The following GAB2 variants were observed in gnomAD, a reference collection of about 807,000 sequenced individuals.
GAB2 encodes the protein GRB2 associated binding protein 2.
In GAB2, 26 loss-of-function variants were observed where a neutral mutation model predicts 65.5. The observed-to-expected ratio is 0.40, with a 90% CI of 0.29 to 0.55. The LOEUF is 0.55. Ranked by LOEUF, GAB2 falls within the 20% of genes least tolerant of loss-of-function variation. GAB2 has a pLI of 0.53. For synonymous variants in GAB2, 321 were observed against 329.6 expected, an observed-to-expected ratio of 0.97 and a Z score of 0.28; for missense variants, 884 against 875.8, an observed-to-expected ratio of 1.01 and a Z score of -0.12.
chr11:78,270,731 A>G (rs1200909202), intron 2 of GAB2, among the ~76,000 whole-genome samples: 4 of 152,240 alleles, frequency 2.6e-5, no homozygotes, highest in African/African-American at 7.2e-5. Context: ...TCCTACAGAC[A>G]TAGAAATCAT....
At chr11:78,370,419 T>C (rs576184011) in intron 1 of GAB2, among the ~76,000 whole-genome samples, 1 of 152,276 alleles carries the variant, frequency 6.6e-6, no homozygotes, top group South Asian at 2.1e-4. Flanking sequence ...TAACAAGGTA[T>C]AAAACAGGGC....
intron 1 of GAB2, among the ~76,000 whole-genome samples, chr11:78,347,709 T>C (rs1343423047): frequency 6.6e-6 from 1 of 152,198 alleles, no homozygotes; most frequent in African/African-American, 2.4e-5. Context: ...AAAATCTTTG[T>C]GACCTTTAAG....
chr11:78,370,741 G>A (rs1341418403), intron 1 of GAB2, among the ~76,000 whole-genome samples: 2 of 151,974 alleles, frequency 1.3e-5, no homozygotes, highest in South Asian at 2.1e-4. Flanking sequence ...GTGTGTGTGT[G>A]TGTGTAAGGG....
rs535116758 is a variant in GAB2 at position 78,248,296 on chromosome 11, T to C, written c.620+1861A>G. ...AGCAGAGATGTTTCTACGTTTGTTC[T>C]CTGATGCGTCAGCAGGATCACTGGA... On this transcript the variant is annotated intron_variant, in intron 3 of 9. Coordinates refer to ENST00000361507, the MANE Select transcript of GAB2 (RefSeq NM_080491.3). Among the ~76,000 whole-genome samples, 14 of 152,304 alleles carry C rather than the reference T, an allele frequency of 9.2e-5. No homozygotes were observed. In the South Asian group the frequency reaches 2.9e-3, roughly 32 times the overall value.
chr11:78,330,919 A>G (rs1429277431), intron 1 of GAB2, among the ~76,000 whole-genome samples: 1 of 151,942 alleles, frequency 6.6e-6, no homozygotes, highest in Non-Finnish European at 1.5e-5. Context: ...CATGGCTGTA[A>G]CCCCAGCACT....
chr11:78,270,652 G>A (rs1854803693), intron 2 of GAB2, among the ~76,000 whole-genome samples: 1 of 152,168 alleles, frequency 6.6e-6, no homozygotes, highest in Non-Finnish European at 1.5e-5. Flanking sequence ...ATGAGACTGC[G>A]TAAGTGTTGT....
intron 1 of GAB2, among the ~76,000 whole-genome samples, chr11:78,370,712 C>CGTGTGTGTGTGTGT (rs1554995526): frequency 8.1e-6 from 1 of 123,220 alleles, no homozygotes; most frequent in African/African-American, 2.9e-5. Flanking sequence ...TGTGTGTGTG[C>CGTGTGTGTGTGTGT]GTGTGTGTGT....
intron 1 of GAB2, among the ~76,000 whole-genome samples, chr11:78,353,866 T>C (rs1262976392): frequency 6.6e-6 from 1 of 152,228 alleles, no homozygotes; most frequent in Non-Finnish European, 1.5e-5. Flanking sequence ...AGATAACTCC[T>C]GGTACTGAAC....
At chr11:78,372,757 T>C (rs931689082) in intron 1 of GAB2, among the ~76,000 whole-genome samples, 3 of 152,186 alleles carry the variant, frequency 2.0e-5, no homozygotes, top group African/African-American at 4.8e-5. Flanking sequence ...AACACACTTT[T>C]TATCTCTTAA....
chr11:78,330,625 C>T (rs1212068581), intron 1 of GAB2, among the ~76,000 whole-genome samples: 1 of 152,166 alleles, frequency 6.6e-6, no homozygotes, highest in Non-Finnish European at 1.5e-5. Context: ...AAGGCTTACT[C>T]TTAGACCTCT....
At chr11:78,280,572 A>C in intron 2 of GAB2, 29 bp downstream of exon 2, 2 of 1,575,078 alleles carry the variant, frequency 1.3e-6, no homozygotes, top group Non-Finnish European at 1.7e-6. Flanking sequence ...TCAACCCCCT[A>C]TGAGAAAGAT....
At chr11:78,391,070 T>C (rs575262250) in intron 1 of GAB2, among the ~76,000 whole-genome samples, 1 of 152,250 alleles carries the variant, frequency 6.6e-6, no homozygotes, top group East Asian at 1.9e-4. Context: ...GAAAAATAAA[T>C]GTTATTGTGG....
intron 1 of GAB2, among the ~76,000 whole-genome samples, chr11:78,343,391 A>AGAGG (rs1403825649): frequency 1.1e-5 from 1 of 92,342 alleles, no homozygotes; most frequent in African/African-American, 4.3e-5. Context: ...AGAGAGGGAG[A>AGAGG]GAGGGAGGGA....
At chr11:78,300,516 T>TAAAAAAAC (rs58259701) in intron 1 of GAB2, among the ~76,000 whole-genome samples, 109,356 of 142,858 alleles carry the variant, frequency 0.77, 41,702 homozygotes, top group Non-Finnish European at 0.86. Context: ...TTTAATTTTA[T>TAAAAAAAC]AAAAAAACAA....
At chr11:78,333,419 AT>A (rs1352873609) in intron 1 of GAB2, among the ~76,000 whole-genome samples, 3 of 152,134 alleles carry the variant, frequency 2.0e-5, no homozygotes, top group Non-Finnish European at 4.4e-5. Flanking sequence ...ATGCACCACC[AT>A]GCCCAGCTAA....
intron 2 of GAB2, among the ~76,000 whole-genome samples, chr11:78,279,717 T>C (rs1264935498): frequency 3.9e-5 from 6 of 152,240 alleles, no homozygotes; most frequent in Non-Finnish European, 7.3e-5. Flanking sequence ...TGGTCCTCTC[T>C]GTCTTCTTTC....
Position 78,221,267 on chromosome 11 carries a change from C to T in GAB2, c.1761+410G>A, listed in dbSNP as rs547161867. 6.8e-4 allele frequency among the ~76,000 whole-genome samples: 103 copies of T among 152,328 alleles called. 1 individual carries two copies. The highest frequency in any genetic ancestry group is 2.4e-3 in the African/African-American group (100 of 41,578). The stretch of plus-strand genomic sequence containing the variant: ...AATGGAAATCTCAGGGAAGAAATAT[C>T]CTCCTCTGCCTGTGTTGATAGCTCT... On this transcript the variant is annotated intron_variant, in intron 8 of 9. Coordinates refer to ENST00000361507, the MANE Select transcript of GAB2 (RefSeq NM_080491.3).
rs770327023 is a variant in GAB2 at position 78,226,473 on chromosome 11, A to G, written c.1199T>C (p.Leu400Pro). ...CTAGGACTTATACTGACCTCGGTGAAGTCGGCTGTTGTCCATTGCAGGGAG... is the reference window on the plus strand; with the variant it reads ...CTAGGACTTATACTGACCTCGGTGAGGTCGGCTGTTGTCCATTGCAGGGAG... Reference protein sequence around the residue: ...NTLPAMDNSRLHRASSCETYE... With the variant: ...NTLPAMDNSRPHRASSCETYE... The change falls in exon 4 of 10, where the codon CTT becomes CCT. Residue 400 changes from leucine to proline, a missense_variant. By Grantham distance (98) the Leu-to-Pro change is moderately conservative. Transcript: ENST00000361507. 1 of 1,612,796 alleles carries G rather than the reference A, an allele frequency of 6.2e-7. No individual in the cohort carries two copies. Among genetic ancestry groups the G allele is most frequent in the East Asian group, 2.2e-5 (1 of 44,872 alleles).
At chr11:78,323,790 C>CTTT (rs749282969) in intron 1 of GAB2, among the ~76,000 whole-genome samples, 9,149 of 77,214 alleles carry the variant, frequency 0.12, 1,032 homozygotes, top group East Asian at 0.22. Flanking sequence ...CTGAATCTTT[C>CTTT]TTTTTTTTTT....
Sources: allele counts gnomAD v4.1 joint callset (sites outside exome capture counted in the v4.1 genomes callset), GRCh38; gene constraint gnomAD v4.1.1; transcripts MANE v1.5; gene names NCBI Gene and HGNC (gene_info 2026-07-23, HGNC 2026-07-21).